The following RBFOX1 variants were observed in gnomAD, a reference collection of about 807,000 sequenced individuals.
RBFOX1 encodes the protein RNA binding protein fox-1 homolog 1.
A neutral mutation model predicts 57.7 loss-of-function variants in RBFOX1; 8 were observed. The ratio of observed to expected loss-of-function variants is 0.14; its 90% CI spans 0.08 to 0.25. The LOEUF is 0.25. Among genes scored for constraint, RBFOX1 ranks in the 10% least tolerant of loss-of-function variants. The pLI is 1.00. For missense variants in RBFOX1, 611 were observed against 548.5 expected (o/e 1.11, Z -1.14); for synonymous variants, 326 against 222.4 (o/e 1.47, Z -4.15).
rs78334454 is a variant in RBFOX1 at position 6,732,059 on chromosome 16, A to C, written c.-16+77409A>C. Among the ~76,000 whole-genome samples, 933 of 152,312 alleles carry C rather than the reference A, an allele frequency of 6.1e-3. 11 individuals carry two copies. The highest frequency in any genetic ancestry group is 0.021 in the African/African-American group (871 of 41,568). ...TTGGAATGACTTAAGCTATGGCTTG[A>C]GATCTATCCCTCTTTTAACCTTTCC... On this transcript the variant is annotated intron_variant, in intron 3 of 15. Transcript: ENST00000550418.
chr16:6,844,428 T>C (rs564496153), intron 3 of RBFOX1, among the ~76,000 whole-genome samples: 5 of 152,206 alleles, frequency 3.3e-5, no homozygotes, highest in Admixed American at 6.5e-5. Flanking sequence ...CTACTACTTA[T>C]AAGTAAGAAC....
chr16:6,086,269 CT>C (rs2096082447), intron 1 of RBFOX1, among the ~76,000 whole-genome samples: 1 of 152,158 alleles, frequency 6.6e-6, no homozygotes, highest in African/African-American at 2.4e-5. Flanking sequence ...AAGGGAACCC[CT>C]AGATGTCATT....
chr16:7,411,735 C>G lies in RBFOX1; in HGVS notation c.28-106412C>G, dbSNP rs9923811. Among the ~76,000 whole-genome samples, 270 of 152,086 alleles carry G rather than the reference C, an allele frequency of 1.8e-3. 1 individual carries two copies. The highest frequency in any genetic ancestry group is 5.6e-3 in the African/African-American group (234 of 41,500). On this transcript the variant is annotated intron_variant, in intron 4 of 15. Transcript: ENST00000550418. The stretch of plus-strand genomic sequence containing the variant: ...CCTGACCAACATGGAGAAACCCCGT[C>G]TCTATTAAAATGCAAAAATTAGCTG...
chr16:6,568,540 A>C (rs1002698564), intron 2 of RBFOX1, among the ~76,000 whole-genome samples: 5 of 152,138 alleles, frequency 3.3e-5, no homozygotes, highest in African/African-American at 1.2e-4. Context: ...GTTCCATTGG[A>C]ACTCTTGTAC....
At chr16:7,007,075 C>T (rs1035022204) in intron 3 of RBFOX1, among the ~76,000 whole-genome samples, 1 of 152,166 alleles carries the variant, frequency 6.6e-6, no homozygotes, top group African/African-American at 2.4e-5. Context: ...GTGAGTTTTT[C>T]TCAACGCTGA....
intron 4 of RBFOX1, among the ~76,000 whole-genome samples, chr16:5,879,587 C>T (rs1182036450): frequency 6.6e-6 from 1 of 152,164 alleles, no homozygotes; most frequent in Non-Finnish European, 1.5e-5. Flanking sequence ...CTTTTGGCCT[C>T]CCAAAGTGCT....
chr16:5,746,642 A>AG (rs1417935191), intron 3 of RBFOX1, among the ~76,000 whole-genome samples: 3 of 152,116 alleles, frequency 2.0e-5, no homozygotes, highest in Non-Finnish European at 4.4e-5. Flanking sequence ...TTCTCCTTGA[A>AG]GAGGTCCTTC....
upstream of RBFOX1, among the ~76,000 whole-genome samples, chr16:6,018,175 A>G (rs1284831157): frequency 6.7e-6 from 1 of 150,004 alleles, no homozygotes; most frequent in Non-Finnish European, 1.5e-5. Flanking sequence ...AAAGGAAGGA[A>G]GGGAGGAAAG....
At chr16:6,564,752 T>C (rs2097234764) in intron 2 of RBFOX1, among the ~76,000 whole-genome samples, 1 of 152,190 alleles carries the variant, frequency 6.6e-6, no homozygotes, top group African/African-American at 2.4e-5. Flanking sequence ...TGTGTTAATT[T>C]ATTTGATTGC....
intron 3 of RBFOX1, among the ~76,000 whole-genome samples, chr16:6,801,086 G>A (rs1187148972): frequency 4.0e-5 from 6 of 151,848 alleles, no homozygotes; most frequent in Admixed American, 3.9e-4. Context: ...TAAAAGTGCG[G>A]ATTGCCATTC....
intron 3 of RBFOX1, among the ~76,000 whole-genome samples, chr16:6,950,865 GTC>G (rs1301115244): frequency 1.3e-5 from 2 of 151,354 alleles, no homozygotes; most frequent in Admixed American, 6.6e-5. Context: ...CTCTGTTTTT[GTC>G]TCTCTTTCTC....
Position 7,348,147 on chromosome 16 carries a change from T to C in RBFOX1, c.28-170000T>C, listed in dbSNP as rs532702869. Among the ~76,000 whole-genome samples, 11 of 152,296 alleles carry C rather than the reference T, an allele frequency of 7.2e-5. No homozygotes were observed. The South Asian group carries it at 2.3e-3, about 32-fold the overall frequency. ...AAAATTAATGTGGGCTAAACCTAAG[T>C]TTTCAGAAACAAAAAGCACAAACAA... On this transcript the variant is annotated intron_variant, in intron 4 of 15. Transcript: ENST00000550418.
chr16:6,976,869 T>C (rs1030304843), intron 3 of RBFOX1, among the ~76,000 whole-genome samples: 2 of 6,568 alleles, frequency 3.0e-4, no homozygotes, highest in Non-Finnish European at 4.2e-4. Context: ...ATATATCACA[T>C]ATGTCATATC....
chr16:6,121,729 A>G (rs1428522543), intron 1 of RBFOX1, among the ~76,000 whole-genome samples: 1 of 151,972 alleles, frequency 6.6e-6, no homozygotes, highest in African/African-American at 2.4e-5. Flanking sequence ...TGCTTTCTAC[A>G]TTTACCAGCT....
At chr16:7,394,644 A>T (rs1417673110) in intron 4 of RBFOX1, among the ~76,000 whole-genome samples, 1 of 152,128 alleles carries the variant, frequency 6.6e-6, no homozygotes, top group Non-Finnish European at 1.5e-5. Context: ...ATTCTCGATC[A>T]CCACCTCCCT....
At chr16:6,647,231 A>G (rs1206883427) in intron 2 of RBFOX1, among the ~76,000 whole-genome samples, 1 of 152,010 alleles carries the variant, frequency 6.6e-6, no homozygotes, top group Non-Finnish European at 1.5e-5. Context: ...TTAAAAGGAT[A>G]CTAATTCTTT....
In RBFOX1 at chr16:5,866,992, A is replaced by C. The variant is rs561674163; in HGVS notation, c.319-311A>C. On this transcript the variant is annotated intron_variant, in intron 3 of 19. Coordinates refer to the RBFOX1 transcript ENST00000641259. ...TTGTTTTCTTTTTCAGTGTTTATTT[A>C]ATCATTATCAGTACATGGACATTGC... Among the ~76,000 whole-genome samples the C allele has an allele frequency of 3.9e-5, 6 of 152,304 alleles. No homozygotes were observed. In the East Asian group the frequency reaches 1.2e-3, roughly 29 times the overall value.
At chr16:7,500,367 G>A (rs572360481) in intron 4 of RBFOX1, among the ~76,000 whole-genome samples, 6 of 152,154 alleles carry the variant, frequency 3.9e-5, no homozygotes, top group African/African-American at 1.4e-4. Context: ...TACTGAATTT[G>A]TAAGTCCAGT....
intron 1 of RBFOX1, chr16:5,366,109 C>T (rs2065707484): frequency 8.6e-6 from 4 of 462,932 alleles, no homozygotes; most frequent in Non-Finnish European, 1.7e-5. Flanking sequence ...AAGTGTGGTT[C>T]AGGGCGAGTG....
Sources: allele counts gnomAD v4.1 joint callset (sites outside exome capture counted in the v4.1 genomes callset), GRCh38; gene constraint gnomAD v4.1.1; transcripts MANE v1.5; gene names NCBI Gene and HGNC (gene_info 2026-07-23, HGNC 2026-07-21).